Variants in MX2 observed in about 807,000 individuals in gnomAD.
MX2 encodes the protein MX dynamin like GTPase 2.
Under a neutral mutation model 74.0 loss-of-function variants are expected in MX2, and 51 were observed. That is an observed-to-expected ratio of 0.69 (90% CI 0.55 to 0.87). The LOEUF (loss-of-function observed/expected upper bound fraction) is 0.87, where lower values mean the gene tolerates loss of function less well. Among genes scored for constraint, MX2 ranks in the 40% least tolerant of loss-of-function variants. The pLI is 0.00. For missense variants in MX2, 832 were observed against 908.7 expected, an observed-to-expected ratio of 0.92 and a Z score of 1.09; for synonymous variants, 369 against 339.3, an observed-to-expected ratio of 1.09 and a Z score of -0.96.
intron 3 of MX2, among the ~76,000 whole-genome samples, chr21:41,378,249 G>A (rs554117165): frequency 1.3e-5 from 2 of 151,844 alleles, no homozygotes; most frequent in African/African-American, 4.8e-5. Flanking sequence ...GGGAGAGACA[G>A]GCTGCTGGGA....
intron 4 of MX2, among the ~76,000 whole-genome samples, chr21:41,381,114 G>T (rs2089484607): frequency 6.6e-6 from 1 of 152,196 alleles, no homozygotes; most frequent in African/African-American, 2.4e-5. Flanking sequence ...TTCCCAAATA[G>T]AGAGGTCTTC....
rs770343412 is a variant in MX2, at chr21:41,390,611, A to C, written c.779A>C (p.Asn260Thr). 6.2e-7 allele frequency: 1 copy of C among 1,614,206 alleles called. No individual in the cohort carries two copies. Among genetic ancestry groups the C allele is most frequent in the East Asian group, 2.2e-5 (1 of 44,876 alleles). Residue 260 changes from asparagine to threonine, a missense_variant, in exon 6 of 14, where the codon AAC becomes ACC. Physicochemically the swap from Asn to Thr is moderately conservative, Grantham distance 65 (BLOSUM62 0). Coordinates refer to ENST00000330714, the MANE Select transcript of MX2 (RefSeq NM_002463.2). ...KKYIQRQQTI[N>T]LVVVPCNVDI... ...TACATCCAGAGGCAGCAGACGATCA[A>C]CTTGGTGGTGGTTCCCTGTAACGTG...
intron 1 of MX2, among the ~76,000 whole-genome samples, chr21:41,369,229 C>T (rs1025982394): frequency 1.3e-5 from 2 of 152,174 alleles, no homozygotes; most frequent in African/African-American, 4.8e-5. Context: ...CTCTGGGAGC[C>T]AGGCTGGAGA....
chr21:41,394,636 C>T (rs892549077), intron 6 of MX2, among the ~76,000 whole-genome samples: 6 of 152,018 alleles, frequency 3.9e-5, no homozygotes, highest in East Asian at 1.9e-4. Flanking sequence ...CAAATTAAAA[C>T]GAAGGACAAA....
rs892476722 is a variant in MX2, at chr21:41,402,430, G to A, written c.1573+302G>A. 1.3e-5 allele frequency among the ~76,000 whole-genome samples: 2 copies of A among 152,202 alleles called. No individual in the cohort carries two copies. The highest frequency in any genetic ancestry group is 2.4e-5 in the African/African-American group (1 of 41,450). On this transcript the variant is annotated intron_variant, in intron 11 of 13. Coordinates refer to ENST00000330714, the MANE Select transcript of MX2 (RefSeq NM_002463.2). The surrounding 1 kb of genome is among the most constrained non-coding windows in gnomAD (Gnocchi z 4.5). Reference sequence around the variant, plus strand: ...TGTCCTTCAAACACGTGGAGGAGGCGGGGAAGATGGTTTCTCTTGTCTTTG... The same window carrying A: ...TGTCCTTCAAACACGTGGAGGAGGCAGGGAAGATGGTTTCTCTTGTCTTTG...
chr21:41,381,385 G>A (rs951882835), intron 4 of MX2, among the ~76,000 whole-genome samples: 1 of 152,152 alleles, frequency 6.6e-6, no homozygotes, highest in Non-Finnish European at 1.5e-5. Context: ...CAAAGTTTTG[G>A]GTAAGAATGA....
In MX2 at chr21:41,398,938, C is replaced by T. The variant is rs745410751; in HGVS notation, c.1191C>T (p.His397=). 3 of 1,613,966 alleles carry T rather than the reference C, an allele frequency of 1.9e-6. No individual in the cohort carries two copies. Among genetic ancestry groups the T allele is most frequent in the Non-Finnish European group, 1.7e-6 (2 of 1,179,896 alleles). Reference sequence around the variant, plus strand: ...TAGAAGGACAAATAAGGGAGAGCCACCAGAAGGCGACCGAGGAGCTGCGGC... The same window carrying T: ...TAGAAGGACAAATAAGGGAGAGCCATCAGAAGGCGACCGAGGAGCTGCGGC... ...PLLEGQIRES[H]QKATEELRRC... is the part of the protein sequence containing the mutation. The change falls in exon 9 of 14, where the codon CAC becomes CAT. Residue 397 remains histidine, a synonymous_variant. Transcript: ENST00000330714.
intron 1 of MX2, 110 bp downstream of exon 1, chr21:41,362,165 T>C (rs2089215967): frequency 6.6e-6 from 1 of 152,074 alleles, no homozygotes. Flanking sequence ...GAATGTGGCT[T>C]GTGCTGGGAG....
At chr21:41,375,741 C>T (rs934922956) in intron 1 of MX2, among the ~76,000 whole-genome samples, 3 of 151,928 alleles carry the variant, frequency 2.0e-5, no homozygotes, top group Admixed American at 1.3e-4. Context: ...GAGTCTTTTT[C>T]CAAAAAAAAA....
intron 13 of MX2, 96 bp downstream of exon 13, chr21:41,407,094 G>A: frequency 1.5e-6 from 2 of 1,312,996 alleles, no homozygotes; most frequent in South Asian, 2.9e-5. Context: ...AGGGAAGGAG[G>A]GAGGGACCAC....
chr21:41,397,831 C>A, intron 8 of MX2, 140 bp downstream of exon 8: 2 of 632,422 alleles, frequency 3.2e-6, no homozygotes, highest in African/African-American at 1.8e-5. Flanking sequence ...CACTCACTGT[C>A]ACAGGCTCAC....
In MX2 at chr21:41,380,161, C is replaced by T. The variant is rs762542046; in HGVS notation, c.577+10C>T. On this transcript the variant is annotated intron_variant, in intron 4 of 13. Transcript: ENST00000330714. The surrounding 1 kb of genome is among the most constrained non-coding windows in gnomAD (Gnocchi z 4.3). Reference sequence around the variant, plus strand: ...AAAGAGATACACAAAGGTGGGCCCACGTCATTCTGAGGTTCGGATCTGGCA... The same window carrying T: ...AAAGAGATACACAAAGGTGGGCCCATGTCATTCTGAGGTTCGGATCTGGCA... The T allele has an allele frequency of 2.5e-6, 4 of 1,613,442 alleles. No individual in the cohort carries two copies. Among genetic ancestry groups the T allele is most frequent in the Admixed American group, 1.7e-5 (1 of 59,914 alleles).
chr21:41,392,735 G>A (rs764544035), intron 6 of MX2, among the ~76,000 whole-genome samples: 1 of 152,150 alleles, frequency 6.6e-6, no homozygotes, highest in African/African-American at 2.4e-5. Context: ...GACAGAGCAG[G>A]GGGGAGCATC....
chr21:41,369,331 C>A (rs1384736376), intron 1 of MX2, among the ~76,000 whole-genome samples: 1 of 152,140 alleles, frequency 6.6e-6, no homozygotes, highest in African/African-American at 2.4e-5. Context: ...GGCTGCTGAG[C>A]TCAGGAGCCG....
At chr21:41,393,110 C>CAAAAAAAAAAAAAAAGA in intron 6 of MX2, among the ~76,000 whole-genome samples, 1 of 60,086 alleles carries the variant, frequency 1.7e-5, no homozygotes, top group Non-Finnish European at 3.5e-5. Context: ...CTCAAAAAAG[C>CAAAAAAAAAAAAAAAGA]AAAAAAAAAA....
intron 11 of MX2, 98 bp from the exon 12 acceptor site, chr21:41,403,169 A>G (rs1568950192): frequency 1.0e-6 from 1 of 957,896 alleles, no homozygotes; most frequent in Non-Finnish European, 1.6e-6. Context: ...GGGTCAGTGT[A>G]TCATCAGTCA....
intron 10 of MX2, chr21:41,401,757 T>C (rs1462491931): frequency 2.0e-6 from 1 of 489,340 alleles, no homozygotes; most frequent in Non-Finnish European, 3.6e-6. Flanking sequence ...TTGAAACACA[T>C]TTTCATAGAA....
At position 41,376,924 on chromosome 21, in the gene MX2, G is replaced by A. The variant is rs1047326589; in HGVS notation, c.18G>A (p.Lys6=). The part of the protein sequence containing the change: MSKAH[K]PWPYRRRSQF... ...GACAGCACATGTCTAAGGCCCACAAGCCTTGGCCCTACCGGAGGAGAAGTC... is the reference window on the plus strand; with the variant it reads ...GACAGCACATGTCTAAGGCCCACAAACCTTGGCCCTACCGGAGGAGAAGTC... The change falls in exon 2 of 14, where the codon AAG becomes AAA. Residue 6 remains lysine, a synonymous_variant. Coordinates refer to ENST00000330714, the MANE Select transcript of MX2 (RefSeq NM_002463.2). 5.6e-6 allele frequency: 9 copies of A among 1,613,834 alleles called. No individual in the cohort carries two copies. In the Admixed American group the frequency reaches 1.0e-4, roughly 18 times the overall value.
chr21:41,407,023 C>T (rs772379154), intron 13 of MX2, 25 bp downstream of exon 13: 45 of 1,601,492 alleles, frequency 2.8e-5, no homozygotes, highest in Middle Eastern at 1.7e-4. Flanking sequence ...GGGCAGGAGC[C>T]GTGCTCTCTG....
Sources: allele counts gnomAD v4.1 joint callset (sites outside exome capture counted in the v4.1 genomes callset), GRCh38; gene constraint gnomAD v4.1.1; non-coding constraint Gnocchi (gnomAD v3.1); transcripts MANE v1.5; gene names NCBI Gene and HGNC (gene_info 2026-07-23, HGNC 2026-07-21).